The following CSMD1 variants were observed in gnomAD, a reference collection of about 807,000 sequenced individuals.
CSMD1 encodes the protein CUB and Sushi multiple domains 1, also known as CUB and sushi domain-containing protein 1.
Under a neutral mutation model 417.5 loss-of-function variants are expected in CSMD1, and 213 were observed. That is an observed-to-expected ratio of 0.51 (90% confidence interval 0.46 to 0.57). The LOEUF is 0.57. CSMD1 is among the 20% of genes least tolerant of loss of function. The pLI is 0.00. For synonymous variants in CSMD1, 2,862 were observed against 1,736.8 expected (o/e 1.65, Z -16.11); for missense variants, 6,923 against 4,529.7 (o/e 1.53, Z -15.17).
intron 26 of CSMD1, among the ~76,000 whole-genome samples, chr8:3,240,295 G>A (rs1799413464): frequency 6.6e-6 from 1 of 152,134 alleles, no homozygotes; most frequent in Admixed American, 6.6e-5. Flanking sequence ...AACGGAAAGA[G>A]GAGTGGGGAA....
At chr8:3,860,802 T>C (rs1804648622) in intron 5 of CSMD1, among the ~76,000 whole-genome samples, 1 of 152,184 alleles carries the variant, frequency 6.6e-6, no homozygotes, top group Non-Finnish European at 1.5e-5. Flanking sequence ...CACTTAACTC[T>C]AACCATAGTT....
At chr8:4,676,098 G>C (rs945374924) in intron 1 of CSMD1, among the ~76,000 whole-genome samples, 1 of 152,154 alleles carries the variant, frequency 6.6e-6, no homozygotes, top group Admixed American at 6.6e-5. Context: ...CCATATTGCT[G>C]AGTGGTAATT....
intron 7 of CSMD1, chr8:3,700,572 A>G (rs1339775671): frequency 6.6e-6 from 1 of 152,240 alleles, no homozygotes; most frequent in Non-Finnish European, 1.5e-5. Flanking sequence ...GGATGGGAGA[A>G]GTTGTGGATG....
At chr8:3,825,817 T>G (rs1259437389) in intron 5 of CSMD1, among the ~76,000 whole-genome samples, 1 of 152,152 alleles carries the variant, frequency 6.6e-6, no homozygotes, top group Non-Finnish European at 1.5e-5. Context: ...ATTGAAAGGC[T>G]TTAAATCCCA....
At chr8:4,292,313 C>T (rs988705204) in intron 3 of CSMD1, among the ~76,000 whole-genome samples, 3 of 152,030 alleles carry the variant, frequency 2.0e-5, no homozygotes, top group Non-Finnish European at 4.4e-5. Context: ...AGTGCAGTGT[C>T]GCGACCTGGG....
intron 1 of CSMD1, among the ~76,000 whole-genome samples, chr8:4,807,677 T>A (rs1011897872): frequency 2.6e-5 from 4 of 152,202 alleles, no homozygotes; most frequent in African/African-American, 7.2e-5. Context: ...CATACATGTG[T>A]AGATACACTA....
At chr8:3,687,272 A>C (rs1307779875) in intron 7 of CSMD1, among the ~76,000 whole-genome samples, 1 of 152,172 alleles carries the variant, frequency 6.6e-6, no homozygotes, top group East Asian at 1.9e-4. Flanking sequence ...TTCCAGGACC[A>C]AAAAAGTCTG....
chr8:4,795,358 G>A (rs1308661425), intron 1 of CSMD1, among the ~76,000 whole-genome samples: 4 of 132,084 alleles, frequency 3.0e-5, no homozygotes, highest in Non-Finnish European at 6.2e-5. Flanking sequence ...TGCAAGCTCC[G>A]CCTCCCAGGT....
intron 23 of CSMD1, among the ~76,000 whole-genome samples, chr8:3,313,072 A>G (rs10503201): frequency 0.15 from 23,058 of 152,226 alleles, 1,857 homozygotes; most frequent in African/African-American, 0.2. Context: ...CTATGATGTT[A>G]ATTCTGCACT....
At chr8:3,104,542 C>T (rs1401185253) in intron 46 of CSMD1, among the ~76,000 whole-genome samples, 1 of 147,904 alleles carries the variant, frequency 6.8e-6, no homozygotes, top group Non-Finnish European at 1.5e-5. Context: ...AATATTTTTT[C>T]AAAAAAAAAA....
At chr8:4,195,728 C>G (rs575598510) in intron 3 of CSMD1, among the ~76,000 whole-genome samples, 1 of 152,274 alleles carries the variant, frequency 6.6e-6, no homozygotes, top group East Asian at 1.9e-4. Context: ...CCCCAGACAG[C>G]AAAACGTCGG....
intron 10 of CSMD1, among the ~76,000 whole-genome samples, chr8:3,532,149 G>T (rs772905659): frequency 6.6e-6 from 1 of 152,170 alleles, no homozygotes; most frequent in South Asian, 2.1e-4. Flanking sequence ...GTAGAAAGGT[G>T]TTCGCTTTGT....
chr8:3,717,886 C>A (rs1801933217), intron 6 of CSMD1, among the ~76,000 whole-genome samples: 1 of 152,230 alleles, frequency 6.6e-6, no homozygotes, highest in South Asian at 2.1e-4. Context: ...AAATTCTGCT[C>A]AGTTTCCAAG....
intron 2 of CSMD1, among the ~76,000 whole-genome samples, chr8:4,479,776 G>C (rs1044331760): frequency 6.6e-6 from 1 of 151,572 alleles, no homozygotes; most frequent in African/African-American, 2.4e-5. Flanking sequence ...TCTCTACTGA[G>C]AATTAGAGAA....
chr8:3,224,400 G>C (rs540931720), intron 27 of CSMD1, among the ~76,000 whole-genome samples: 1 of 152,282 alleles, frequency 6.6e-6, no homozygotes, highest in South Asian at 2.1e-4. Context: ...GGCGGTTTCT[G>C]GATCTGAACA....
intron 1 of CSMD1, among the ~76,000 whole-genome samples, chr8:4,811,565 C>T (rs958939904): frequency 1.3e-5 from 2 of 152,006 alleles, no homozygotes; most frequent in African/African-American, 2.4e-5. Context: ...GAAAAATAAA[C>T]ACATGTGAGG....
intron 5 of CSMD1, among the ~76,000 whole-genome samples, chr8:3,859,426 T>A (rs1465828666): frequency 6.6e-6 from 1 of 152,208 alleles, no homozygotes; most frequent in Non-Finnish European, 1.5e-5. Flanking sequence ...TAGTAAAGAA[T>A]TTGGCTCCAA....
chr8:4,052,071 G>A (rs1032512701), intron 3 of CSMD1, among the ~76,000 whole-genome samples: 3 of 151,982 alleles, frequency 2.0e-5, no homozygotes, highest in Non-Finnish European at 4.4e-5. Flanking sequence ...AAGTAGCCGG[G>A]ACTAAATACC....
intron 3 of CSMD1, among the ~76,000 whole-genome samples, chr8:4,304,965 T>G (rs1439095056): frequency 1.3e-5 from 2 of 152,152 alleles, no homozygotes; most frequent in Non-Finnish European, 2.9e-5. Context: ...TTTGCTACAC[T>G]AACGTCTGGA....
Sources: allele counts gnomAD v4.1 joint callset (sites outside exome capture counted in the v4.1 genomes callset), GRCh38; gene constraint gnomAD v4.1.1; transcripts MANE v1.5; gene names NCBI Gene and HGNC (gene_info 2026-07-23, HGNC 2026-07-21).